Variants in DNAJC8 observed in about 807,000 individuals in gnomAD.
DNAJC8 encodes the protein DnaJ heat shock protein family (Hsp40) member C8.
DNAJC8 carries 24 observed loss-of-function variants against 43.2 expected under a neutral mutation model. That is an observed-to-expected ratio of 0.56 (90% CI 0.40 to 0.78). The LOEUF is 0.78. DNAJC8 is among the 30% of genes least tolerant of loss of function. The pLI is 0.00. For synonymous variants in DNAJC8, 83 were observed against 98.0 expected (o/e 0.85, Z 0.90); for missense variants, 207 against 299.4 (o/e 0.69, Z 2.28).
intron 8 of DNAJC8, among the ~76,000 whole-genome samples, chr1:28,202,831 C>T (rs1235066577): frequency 1.3e-5 from 2 of 152,034 alleles, no homozygotes; most frequent in Non-Finnish European, 2.9e-5. Flanking sequence ...ATCTGCCCGC[C>T]TTGGCCTCCC....
intron 3 of DNAJC8, among the ~76,000 whole-genome samples, chr1:28,212,315 T>A (rs1270473348): frequency 7.2e-6 from 1 of 137,984 alleles, no homozygotes; most frequent in Admixed American, 7.3e-5. Flanking sequence ...TGCTCTATCA[T>A]CCAGGCTGGA....
chr1:28,230,845 T>G (rs914744541), intron 1 of DNAJC8, among the ~76,000 whole-genome samples: 4 of 152,178 alleles, frequency 2.6e-5, no homozygotes, highest in Non-Finnish European at 2.9e-5. Flanking sequence ...GAAACTACTA[T>G]GTAACAAGTA....
chr1:28,217,133 A>C (rs1646861681), intron 2 of DNAJC8, among the ~76,000 whole-genome samples: 1 of 149,426 alleles, frequency 6.7e-6, no homozygotes, highest in South Asian at 2.1e-4. Flanking sequence ...TTAAACAAAT[A>C]ATTTTTTTTT....
At position 28,200,595 on chromosome 1, in the gene DNAJC8, A is replaced by G; in HGVS notation, c.*653T>C. 1 of 456,504 alleles carries G rather than the reference A, an allele frequency of 2.2e-6. No individual in the cohort carries two copies. Among genetic ancestry groups the G allele is most frequent in the Non-Finnish European group, 4.4e-6 (1 of 226,808 alleles). 28.3% of individuals were successfully genotyped at this position (456,504 alleles called of 1,614,324 possible). ...TTTATTATACATAAAGAATATTACC[A>G]CTAACAAATGCAGACAGGCTAGGAC... On this transcript the variant is annotated 3_prime_UTR_variant, in exon 9 of 9. Transcript: ENST00000263697.
At chr1:28,221,166 C>T (rs575556963) in intron 2 of DNAJC8, among the ~76,000 whole-genome samples, 56 of 151,908 alleles carry the variant, frequency 3.7e-4, no homozygotes, top group Admixed American at 2.8e-3. Flanking sequence ...AGTGAAACCC[C>T]GTCTCTATGA....
At chr1:28,218,587 T>C (rs1039574330) in intron 2 of DNAJC8, among the ~76,000 whole-genome samples, 2 of 151,864 alleles carry the variant, frequency 1.3e-5, no homozygotes, top group African/African-American at 4.9e-5. Context: ...CCATGCCTGG[T>C]GACTTTTTAA....
At chr1:28,212,935 G>A (rs1330860648) in intron 3 of DNAJC8, among the ~76,000 whole-genome samples, 1 of 152,170 alleles carries the variant, frequency 6.6e-6, no homozygotes, top group South Asian at 2.1e-4. Flanking sequence ...AACAAACAAT[G>A]CAAGTAAAGA....
chr1:28,226,731 T>C lies in DNAJC8; in HGVS notation c.180+2191A>G, dbSNP rs996086829. On this transcript the variant is annotated intron_variant, in intron 2 of 8. Transcript: ENST00000263697. ...TGGAGTGATTGCTGTGGTTTGGAACTGCTGGGGCCAAATTTATGCACAAAT... is the reference window on the plus strand; with the variant it reads ...TGGAGTGATTGCTGTGGTTTGGAACCGCTGGGGCCAAATTTATGCACAAAT... 6.6e-5 allele frequency among the ~76,000 whole-genome samples: 10 copies of C among 151,292 alleles called. 1 individual carries two copies. Among genetic ancestry groups the C allele is most frequent in the African/African-American group, 2.4e-4 (10 of 41,160 alleles).
chr1:28,207,091 A>C (rs994687918), intron 6 of DNAJC8, among the ~76,000 whole-genome samples: 5 of 152,048 alleles, frequency 3.3e-5, no homozygotes, highest in Non-Finnish European at 5.9e-5. Context: ...AACTGAAAAA[A>C]ATTGGGCCAG....
At chr1:28,216,936 G>A (rs904981027) in intron 2 of DNAJC8, among the ~76,000 whole-genome samples, 3 of 151,354 alleles carry the variant, frequency 2.0e-5, no homozygotes, top group Admixed American at 1.3e-4. Flanking sequence ...AGACTCTCGA[G>A]TAGCTGGGAT....
intron 8 of DNAJC8, 82 bp downstream of exon 8, chr1:28,203,665 G>A: frequency 7.4e-7 from 1 of 1,354,932 alleles, no homozygotes. Context: ...CCCTCTGACT[G>A]CCCCACTCAG....
chr1:28,221,956 G>C (rs1646901276), intron 2 of DNAJC8, among the ~76,000 whole-genome samples: 1 of 152,098 alleles, frequency 6.6e-6, no homozygotes. Context: ...AAGAACCCAA[G>C]ACATTGTACT....
chr1:28,218,199 G>T (rs372637709), intron 2 of DNAJC8, among the ~76,000 whole-genome samples: 1 of 150,656 alleles, frequency 6.6e-6, no homozygotes, highest in South Asian at 2.1e-4. Flanking sequence ...GGATTCAAGC[G>T]ATTCTCCTGC....
chr1:28,231,670 G>C (rs550375148), intron 1 of DNAJC8, among the ~76,000 whole-genome samples: 8 of 151,788 alleles, frequency 5.3e-5, no homozygotes, highest in African/African-American at 1.9e-4. Flanking sequence ...GGCCAAGATC[G>C]TGCCACTGCA....
intron 4 of DNAJC8, 98 bp downstream of exon 4, chr1:28,210,473 G>C (rs1646803189): frequency 9.1e-7 from 1 of 1,099,892 alleles, no homozygotes; most frequent in Non-Finnish European, 1.3e-6. Context: ...GTGACCAGAA[G>C]ACAAAACTAT....
intron 2 of DNAJC8, among the ~76,000 whole-genome samples, chr1:28,221,828 T>A (rs562860243): frequency 2.7e-4 from 41 of 152,280 alleles, no homozygotes; most frequent in African/African-American, 9.6e-4. Flanking sequence ...ATAGCTAAGA[T>A]GTAGAACAAC....
intron 3 of DNAJC8, among the ~76,000 whole-genome samples, chr1:28,212,138 A>G (rs1446910625): frequency 7.2e-6 from 1 of 139,152 alleles, no homozygotes; most frequent in Non-Finnish European, 1.5e-5. Flanking sequence ...CCTGGGTGAC[A>G]GAGCCGGACT....
intron 3 of DNAJC8, among the ~76,000 whole-genome samples, chr1:28,214,256 G>A (rs965188333): frequency 1.1e-4 from 17 of 152,010 alleles, no homozygotes; most frequent in Non-Finnish European, 1.5e-4. Flanking sequence ...AATTACGGCC[G>A]GGTGCAGTGG....
chr1:28,230,237 T>C (rs1390813872), intron 1 of DNAJC8: 1 of 152,244 alleles, frequency 6.6e-6, no homozygotes, highest in Non-Finnish European at 1.5e-5. Context: ...TGGTATGCTA[T>C]ATGCCATCTT....
Sources: gnomAD v4.1 joint callset for allele counts (sites outside exome capture counted in the v4.1 genomes callset) on GRCh38, gnomAD v4.1.1 for gene constraint, MANE v1.5 for transcripts, NCBI Gene and HGNC (gene_info 2026-07-23, HGNC 2026-07-21) for gene names.